YEATS2: variants seen among roughly 807,000 people sequenced by gnomAD.
YEATS2 encodes the protein YEATS domain-containing protein 2.
A neutral mutation model predicts 163.2 loss-of-function variants in YEATS2; 77 were observed. The observed-to-expected ratio is 0.47, with a 90% CI of 0.39 to 0.57. The LOEUF (loss-of-function observed/expected upper bound fraction) is 0.57. Among genes scored for constraint, YEATS2 ranks in the 20% least tolerant of loss-of-function variants. The pLI is 0.00. For synonymous variants in YEATS2, 631 were observed against 645.1 expected, an observed-to-expected ratio of 0.98 and a Z score of 0.33; for missense variants, 1,549 against 1,729.8, an observed-to-expected ratio of 0.90 and a Z score of 1.85.
At chr3:183,775,722 T>G (rs1722922867) in intron 17 of YEATS2, among the ~76,000 whole-genome samples, 193 bp from the exon 18 acceptor site, 1 of 152,154 alleles carries the variant, frequency 6.6e-6, no homozygotes, top group African/African-American at 2.4e-5. Context: ...AGGAAATAGA[T>G]TTTGATCTAA....
chr3:183,780,490 C>T (rs1723464682), intron 19 of YEATS2, among the ~76,000 whole-genome samples: 1 of 152,196 alleles, frequency 6.6e-6, no homozygotes, highest in Non-Finnish European at 1.5e-5. Context: ...AGTTGCTTGT[C>T]CACTATTGGG....
At chr3:183,793,212 T>G in intron 21 of YEATS2, 1 of 1,256,578 alleles carries the variant, frequency 8.0e-7, no homozygotes, top group South Asian at 1.3e-5. Flanking sequence ...ACAACACCCC[T>G]TACTGCCTTT....
intron 16 of YEATS2, 59 bp downstream of exon 16, chr3:183,772,622 GCTAGT>G: frequency 6.3e-7 from 1 of 1,595,902 alleles, no homozygotes; most frequent in Non-Finnish European, 8.6e-7. Flanking sequence ...AATTTCCTTT[GCTAGT>G]GATTTTATTT....
At chr3:183,799,159 C>T (rs772183219) in intron 23 of YEATS2, among the ~76,000 whole-genome samples, 170 bp downstream of exon 23, 39 of 152,168 alleles carry the variant, frequency 2.6e-4, no homozygotes, top group Non-Finnish European at 4.4e-4. Flanking sequence ...CCTAAATGCT[C>T]ATATGGTAGA....
chr3:183,807,368 C>A, intron 28 of YEATS2: 1 of 406,822 alleles, frequency 2.5e-6, no homozygotes, highest in Non-Finnish European at 4.5e-6. Flanking sequence ...GCAAAGCTGG[C>A]TAGATAGAAA....
At chr3:183,751,331 G>C (rs1231236792) in intron 9 of YEATS2, among the ~76,000 whole-genome samples, 1 of 152,132 alleles carries the variant, frequency 6.6e-6, no homozygotes, top group Non-Finnish European at 1.5e-5. Flanking sequence ...GATTACTATG[G>C]CTTTGTAATA....
rs1388502789 is a variant in YEATS2, at chr3:183,752,136, G to C, written c.1033G>C (p.Glu345Gln). 8.1e-6 allele frequency: 13 copies of C among 1,613,998 alleles called. No individual in the cohort carries two copies. The highest frequency in any genetic ancestry group is 1.1e-5 in the Non-Finnish European group (13 of 1,180,036). The change falls in exon 10 of 31, where the codon GAG becomes CAG. Residue 345 changes from glutamate to glutamine, a missense_variant. Transcript: ENST00000305135. Reference protein sequence around the residue: ...GEDCIYPQSSESDISDAPPSL... With the variant: ...GEDCIYPQSSQSDISDAPPSL... Reference sequence around the variant, plus strand: ...AGACTGTATCTATCCTCAGTCCTCGGAGTCTGACATCTCTGATGCCCCTCC... The same window carrying C: ...AGACTGTATCTATCCTCAGTCCTCGCAGTCTGACATCTCTGATGCCCCTCC...
chr3:183,721,327 T>C (rs907583812), intron 4 of YEATS2, among the ~76,000 whole-genome samples: 1 of 152,208 alleles, frequency 6.6e-6, no homozygotes, highest in African/African-American at 2.4e-5. Context: ...CCTAGGAACA[T>C]AACTACAGTG....
chr3:183,736,545 T>C (rs930975843), intron 7 of YEATS2, among the ~76,000 whole-genome samples, 173 bp from the exon 8 acceptor site: 1 of 152,238 alleles, frequency 6.6e-6, no homozygotes, highest in African/African-American at 2.4e-5. Context: ...GTTTTTTCTT[T>C]TAAAATTTAT....
intron 6 of YEATS2, among the ~76,000 whole-genome samples, chr3:183,728,010 T>C (rs1280847912): frequency 6.6e-6 from 1 of 152,122 alleles, no homozygotes; most frequent in Non-Finnish European, 1.5e-5. Context: ...TAACAGAATG[T>C]CCCTTAAACC....
chr3:183,743,992 G>C (rs531287850), intron 8 of YEATS2, among the ~76,000 whole-genome samples: 6 of 151,742 alleles, frequency 4.0e-5, no homozygotes, highest in Non-Finnish European at 7.4e-5. Flanking sequence ...ATAAGACTAG[G>C]TTGCCTTATG....
intron 19 of YEATS2, among the ~76,000 whole-genome samples, chr3:183,784,812 G>C (rs1026257098): frequency 1.3e-5 from 2 of 148,772 alleles, no homozygotes; most frequent in Non-Finnish European, 3.0e-5. Flanking sequence ...GGTGGGTCAC[G>C]CCTGTAATTC....
At chr3:183,722,214 A>C in intron 5 of YEATS2, 78 bp downstream of exon 5, 385 of 1,446,422 alleles carry the variant, frequency 2.7e-4, no homozygotes, top group Non-Finnish European at 3.3e-4. Flanking sequence ...TTGTTATCTC[A>C]CTGAACTGTC....
intron 25 of YEATS2, 70 bp from the exon 26 acceptor site, chr3:183,803,186 C>T (rs1725853126): frequency 1.3e-6 from 2 of 1,536,418 alleles, no homozygotes; most frequent in African/African-American, 1.4e-5. Flanking sequence ...ACTGGCTTGC[C>T]TCCAGCAAAT....
intron 11 of YEATS2, among the ~76,000 whole-genome samples, chr3:183,755,737 C>CTGAT (rs1720669622): frequency 3.1e-5 from 1 of 32,458 alleles, no homozygotes; most frequent in Admixed American, 4.6e-4. Context: ...TTCTTCCTTC[C>CTGAT]TTTCTTTTTT....
At chr3:183,754,820 A>G (rs528088913) in intron 11 of YEATS2, among the ~76,000 whole-genome samples, 2 of 152,272 alleles carry the variant, frequency 1.3e-5, no homozygotes, top group East Asian at 1.9e-4. Context: ...ATTCATTCCT[A>G]TTGTCAGTAG....
rs750752183 is a variant in YEATS2, at chr3:183,747,622, T to TGTAA, written c.925-43_925-40dup. On this transcript the variant is annotated intron_variant, in intron 8 of 30. Coordinates refer to ENST00000305135, the MANE Select transcript of YEATS2 (RefSeq NM_018023.5). ...ATAAAGATTGTATCCTATGATAATA[T>TGTAA]GTAAGTAAGTGCAGTGAAATTTAAC... The TGTAA allele has an allele frequency of 2.9e-5, 44 of 1,507,776 alleles. No homozygotes were observed. In the East Asian group the frequency reaches 1.0e-3, roughly 34 times the overall value. The allele number at this position is 1,507,776 out of a possible 1,614,324, so 93.4% of individuals were successfully genotyped here.
At chr3:183,769,211 T>C (rs185734220) in intron 15 of YEATS2, among the ~76,000 whole-genome samples, 1 of 152,240 alleles carries the variant, frequency 6.6e-6, no homozygotes, top group Non-Finnish European at 1.5e-5. Context: ...ATTTTACTCA[T>C]CTTAATTTAT....
At chr3:183,805,150 A>G (rs972304898) in intron 27 of YEATS2, among the ~76,000 whole-genome samples, 1 of 152,100 alleles carries the variant, frequency 6.6e-6, no homozygotes, top group African/African-American at 2.4e-5. Flanking sequence ...CCGTAATCCC[A>G]GCACTTTGGG....
Sources: allele counts gnomAD v4.1 joint callset (sites outside exome capture counted in the v4.1 genomes callset), GRCh38; gene constraint gnomAD v4.1.1; transcripts MANE v1.5; gene names NCBI Gene and HGNC (gene_info 2026-07-23, HGNC 2026-07-21).